SACS: variants seen among roughly 807,000 people sequenced by gnomAD.
SACS encodes sacsin.
Under a neutral mutation model 348.0 loss-of-function variants are expected in SACS, and 197 were observed. That is an observed-to-expected ratio of 0.57 (90% confidence interval 0.50 to 0.64). The LOEUF (loss-of-function observed/expected upper bound fraction) is 0.64. Among genes scored for constraint, SACS ranks in the 30% least tolerant of loss-of-function variants. The pLI, the probability that SACS is intolerant of heterozygous loss-of-function variation, is 0.00. For synonymous variants in SACS, 1,985 were observed against 1,910.6 expected (o/e 1.04, Z -1.02); for missense variants, 4,999 against 5,360.8 (o/e 0.93, Z 2.11).
At chr13:23,409,679 AGACTGATGTTTT>A (rs1166708291) in intron 2 of SACS, among the ~76,000 whole-genome samples, 5 of 152,178 alleles carry the variant, frequency 3.3e-5, no homozygotes, top group Non-Finnish European at 7.4e-5. Context: ...TTTTTAAAAA[AGACTGATGTTTT>A]GACTCTCAAA....
rs1011829313 is a variant in SACS, at chr13:23,341,282, T to G, written c.2594A>C (p.Lys865Thr). 6 of 1,613,582 alleles carry G rather than the reference T, an allele frequency of 3.7e-6. No individual in the cohort carries two copies. The African/African-American group carries it at 8.0e-5, about 22-fold the overall frequency. The change falls in exon 10 of 10, where the codon AAA (lysine) becomes ACA (threonine). Residue 865 changes from lysine to threonine, a missense_variant. Around this residue, in one of 6 missense-constraint regions of SACS, gnomAD observed 3,156 missense variants for 3,380.1 expected, o/e 0.93. Coordinates refer to ENST00000382292, the MANE Select transcript of SACS (RefSeq NM_014363.6). Reference protein sequence around the residue: ...LDASIQHPLIKKYIHSPLPSA... With the variant: ...LDASIQHPLITKYIHSPLPSA... Reference sequence around the variant, plus strand: ...TGGTAATGGTGAATGAATATATTTTTTAATAAGCGGATGTTGTATAGATGC... The same window carrying G: ...TGGTAATGGTGAATGAATATATTTTGTAATAAGCGGATGTTGTATAGATGC...
intron 1 of SACS, among the ~76,000 whole-genome samples, chr13:23,415,021 T>C (rs2137974004): frequency 1.3e-5 from 2 of 152,212 alleles, no homozygotes; most frequent in East Asian, 3.9e-4. Context: ...AATTTCATTT[T>C]TATTTTTCTT....
chr13:23,395,144 A>G (rs9510720), intron 2 of SACS, among the ~76,000 whole-genome samples: 30,165 of 134,746 alleles, frequency 0.22, 3,363 homozygotes, highest in Non-Finnish European at 0.29. Flanking sequence ...TTTATTAAAT[A>G]TGGAGGCTGG....
At chr13:23,363,749 T>C (rs1200343738) in intron 6 of SACS, among the ~76,000 whole-genome samples, 1 of 152,170 alleles carries the variant, frequency 6.6e-6, no homozygotes, top group Non-Finnish European at 1.5e-5. Flanking sequence ...ATATATTATC[T>C]CATATAATCC....
rs1367410434 is a variant in SACS at position 23,334,856 on chromosome 13, T to G, written c.9020A>C (p.His3007Pro). ...GATCCAAGTAATTATAACTGCAGAG[T>G]GCAAGTCAGAGCCATCAATATTTGG... ...RAPNIDGSDL[H>P]SAVIITWINM... Residue 3007 changes from histidine to proline, a missense_variant, in exon 10 of 10, where the codon CAC (histidine) becomes CCC (proline). Physicochemically the swap from His to Pro is moderately conservative, Grantham distance 77. Transcript: ENST00000382292. The G allele has an allele frequency of 1.9e-6, 3 of 1,613,700 alleles. No individual in the cohort carries two copies. The Admixed American group carries it at 5.0e-5, about 27-fold the overall frequency.
chr13:23,354,543 T>A lies in SACS; in HGVS notation c.2069A>T (p.Tyr690Phe), dbSNP rs1282485770. 2 of 1,614,024 alleles carry A rather than the reference T, an allele frequency of 1.2e-6. No individual in the cohort carries two copies. Among genetic ancestry groups the A allele is most frequent in the African/African-American group, 2.7e-5 (2 of 74,904 alleles). Reference sequence around the variant, plus strand: ...CCTTGGATATTCTGCTGAGGTAATATAAATGACATCTTGGTCTGATACAGA... The same window carrying A: ...CCTTGGATATTCTGCTGAGGTAATAAAAATGACATCTTGGTCTGATACAGA... ...SSSVSDQDVI[Y>F]ITSAEYPRSL... The change falls in exon 8 of 10, where the codon TAT becomes TTT. Residue 690 changes from tyrosine (Y) to phenylalanine (F), a missense_variant. Tyr to Phe is a conservative substitution (Grantham distance 22). Coordinates refer to ENST00000382292, the MANE Select transcript of SACS (RefSeq NM_014363.6).
At chr13:23,425,984 A>G (rs895397703) in intron 1 of SACS, among the ~76,000 whole-genome samples, 3 of 152,230 alleles carry the variant, frequency 2.0e-5, no homozygotes, top group African/African-American at 4.8e-5. Context: ...GTGATTTCAT[A>G]GGGATGATCT....
chr13:23,409,040 C>CTTTTTTTTTTTTTTTTTTTT lies in SACS; in HGVS notation c.20+2160_20+2179dup, dbSNP rs1175897856. On this transcript the variant is annotated intron_variant, in intron 2 of 9. Coordinates refer to ENST00000382292, the MANE Select transcript of SACS (RefSeq NM_014363.6). Reference sequence around the variant, plus strand: ...TATGGTCTTAATAAAACAAGTTTTACTTTTTTTTTTTTTTTTTTTTTTTTT... The same window carrying CTTTTTTTTTTTTTTTTTTTT: ...TATGGTCTTAATAAAACAAGTTTTACTTTTTTTTTTTTTTTTTTTTTTTTTTTTTTTTTTTTTTTTTTTTT... Among the ~76,000 whole-genome samples, 122 of 35,146 alleles carry CTTTTTTTTTTTTTTTTTTTT rather than the reference C, an allele frequency of 3.5e-3. 43 individuals are homozygous for CTTTTTTTTTTTTTTTTTTTT. Among genetic ancestry groups the CTTTTTTTTTTTTTTTTTTTT allele is most frequent in the Middle Eastern group, 0.048 (2 of 42 alleles). 23.1% of individuals were successfully genotyped at this position (35,146 alleles called of 152,430 possible). A position where few individuals can be genotyped will look rare whatever the true frequency, so the allele number is the denominator to read the frequency against.
Position 23,334,821 on chromosome 13 carries a change from T to A in SACS, c.9055A>T (p.Thr3019Ser). 6.2e-7 allele frequency: 1 copy of A among 1,613,852 alleles called. No individual in the cohort carries two copies. The highest frequency in any genetic ancestry group is 1.6e-4 in the Middle Eastern group (1 of 6,062). Residue 3019 changes from threonine (T) to serine (S), a missense_variant, in exon 10 of 10, where the codon ACT becomes TCT. Around this residue, in one of 6 missense-constraint regions of SACS, gnomAD observed 734 missense variants for 694.0 expected, o/e 1.06. Coordinates refer to ENST00000382292, the MANE Select transcript of SACS (RefSeq NM_014363.6). ...AVIITWINMS[T>S]SNKTRPFFDN... Reference sequence around the variant, plus strand: ...AAAAATGGTCTAGTTTTATTAGAAGTAGACATATTGATCCAAGTAATTATA... The same window carrying A: ...AAAAATGGTCTAGTTTTATTAGAAGAAGACATATTGATCCAAGTAATTATA...
Position 23,337,190 on chromosome 13 carries a change from C to T in SACS, c.6686G>A (p.Trp2229Ter). The stretch of plus-strand genomic sequence containing the variant: ...TTCAGGCTTAAAACTGTTGCCTTTC[C>T]AGTCCAAAGAAAAACCTGCTGGTTT... The part of the protein sequence containing the change: ...LTKPAGFSLD[W>*]KGNSFKPETM... The change falls in exon 10 of 10, where the codon TGG (tryptophan) becomes TAG (stop). Residue 2229 changes from tryptophan to a stop codon, truncating the protein, a stop_gained. Transcript: ENST00000382292. LOFTEE classifies it high-confidence loss of function. 1 of 1,613,900 alleles carries T rather than the reference C, an allele frequency of 6.2e-7. No homozygotes were observed. The highest frequency in any genetic ancestry group is 8.5e-7 in the Non-Finnish European group (1 of 1,179,886).
chr13:23,329,841 TAACA>T lies in SACS; in HGVS notation c.*291_*294del, dbSNP rs1230551459. 3 of 500,450 alleles carry T rather than the reference TAACA, an allele frequency of 6.0e-6. No homozygotes were observed. The highest frequency in any genetic ancestry group is 3.9e-5 in the African/African-American group (2 of 51,892). The allele number at this position is 500,450 out of a possible 1,614,324, so 31.0% of individuals were successfully genotyped here. A position where few individuals can be genotyped will look rare whatever the true frequency, so the allele number is the denominator to read the frequency against. ...CCAGAGACATACATAGACTCTTATC[TAACA>T]AACTGCTAAGCTTTGGTTATATAAA... is the stretch of plus-strand genomic sequence containing the variant. On this transcript the variant is annotated 3_prime_UTR_variant, in exon 10 of 10. Coordinates refer to ENST00000382292, the MANE Select transcript of SACS (RefSeq NM_014363.6).
chr13:23,339,229 T>G lies in SACS; in HGVS notation c.4647A>C (p.Glu1549Asp). 1.2e-6 allele frequency: 2 copies of G among 1,609,514 alleles called. No individual in the cohort carries two copies. The highest frequency in any genetic ancestry group is 1.7e-6 in the Non-Finnish European group (2 of 1,178,178). ...TRLGESLKRG[E>D]VDKVGKFGLG... ...GACCAAATTTTCCAACTTTGTCAAC[T>G]TCTCCCCTTTTTAAAGATTCTCCTA... The change falls in exon 10 of 10, where the codon GAA (glutamate) becomes GAC (aspartate). Residue 1549 changes from glutamate to aspartate, a missense_variant. By Grantham distance (45) the Glu-to-Asp change is conservative. Around this residue, in one of 6 missense-constraint regions of SACS, gnomAD observed 3,156 missense variants for 3,380.1 expected, o/e 0.93. Transcript: ENST00000382292.
At chr13:23,386,621 T>C (rs1172800534) in intron 2 of SACS, among the ~76,000 whole-genome samples, 6 of 152,254 alleles carry the variant, frequency 3.9e-5, no homozygotes, top group African/African-American at 1.4e-4. Context: ...GGAATAGCAC[T>C]ATTTAATTTC....
chr13:23,363,372 T>TG (rs1177735456), intron 6 of SACS, among the ~76,000 whole-genome samples: 1 of 151,794 alleles, frequency 6.6e-6, no homozygotes, highest in Non-Finnish European at 1.5e-5. Context: ...TGATTACAGG[T>TG]GCCCGCCACC....
Position 23,336,592 on chromosome 13 carries a change from G to C in SACS, c.7284C>G (p.Ile2428Met), listed in dbSNP as rs1168667858. The change falls in exon 10 of 10, where the codon ATC becomes ATG. Residue 2428 changes from isoleucine (I) to methionine (M), a missense_variant. By Grantham distance (10) the Ile-to-Met change is conservative (BLOSUM62 1). Transcript: ENST00000382292. ...TAATGAGACTCCATATTCCTTCACT[G>C]ATTATTCGTCGGCAAAGCTGAAAAT... Reference protein sequence around the residue: ...EENFQLCRRIISEGIWSLIRE... With the variant: ...EENFQLCRRIMSEGIWSLIRE... 1 of 1,613,546 alleles carries C rather than the reference G, an allele frequency of 6.2e-7. No individual in the cohort carries two copies. Among genetic ancestry groups the C allele is most frequent in the Non-Finnish European group, 8.5e-7 (1 of 1,179,666 alleles).
chr13:23,333,358 A>G lies in SACS; in HGVS notation c.10518T>C (p.Ser3506=), dbSNP rs2137574163. The change falls in exon 10 of 10, where the codon AGT becomes AGC. Residue 3506 remains serine, a synonymous_variant. Transcript: ENST00000382292. ...HLIYLKNRLS[S]AEELSEIKEQ... The stretch of plus-strand genomic sequence containing the variant: ...CCTTAATCTCTGATAATTCCTCAGC[A>G]CTTGATAATCTATTCTTAAGGTAGA... The G allele has an allele frequency of 6.3e-7, 1 of 1,598,174 alleles. No homozygotes were observed. The highest frequency in any genetic ancestry group is 1.4e-5 in the African/African-American group (1 of 74,032).
At position 23,332,880 on chromosome 13, in the gene SACS, A is replaced by T. The variant is rs1228304400; in HGVS notation, c.10996T>A (p.Phe3666Ile). 5.0e-6 allele frequency: 8 copies of T among 1,613,812 alleles called. No individual in the cohort carries two copies. The highest frequency in any genetic ancestry group is 1.3e-5 in the African/African-American group (1 of 74,936). ...PERAPAEFIR[F>I]HPQYQEVNGT... ...TTTACCTCTTGATATTGAGGATGAA[A>T]TCTAATGAATTCCGCGGGGGCCCGC... The change falls in exon 10 of 10, where the codon TTT becomes ATT. Residue 3666 changes from phenylalanine to isoleucine, a missense_variant. Transcript: ENST00000382292.
chr13:23,398,639 C>A (rs184399639), intron 2 of SACS, among the ~76,000 whole-genome samples: 103 of 151,732 alleles, frequency 6.8e-4, no homozygotes, highest in Non-Finnish European at 1.3e-3. Context: ...GTCTGGTTGA[C>A]AATTGGTTGA....
intron 1 of SACS, among the ~76,000 whole-genome samples, chr13:23,426,683 G>T (rs570812512): frequency 6.6e-6 from 1 of 152,116 alleles, no homozygotes; most frequent in Non-Finnish European, 1.5e-5. Context: ...GGTCTGGAAA[G>T]GGGGGACAAC....
Sources: gnomAD v4.1 joint callset for allele counts (sites outside exome capture counted in the v4.1 genomes callset) on GRCh38, gnomAD v4.1.1 for gene constraint, gnomAD v4.1.1 regional missense constraint, MANE v1.5 for transcripts, NCBI Gene and HGNC (gene_info 2026-07-23, HGNC 2026-07-21) for gene names.